ANO4: variants seen among roughly 807,000 people sequenced by gnomAD.
ANO4 encodes the protein anoctamin-4.
In ANO4, 69 loss-of-function variants were observed where a neutral mutation model predicts 141.9. The observed-to-expected ratio is 0.49, with a 90% CI of 0.40 to 0.59. The LOEUF (loss-of-function observed/expected upper bound fraction) is 0.59. Ranked by LOEUF, ANO4 falls within the 20% of genes least tolerant of loss-of-function variation. The probability of loss-of-function intolerance (pLI) is 0.00; values close to 1 mark genes in which losing one functional copy is unlikely to be tolerated. For missense variants in ANO4, 894 were observed against 1,162.2 expected (o/e 0.77, Z 3.36); for synonymous variants, 350 against 394.3 (o/e 0.89, Z 1.33).
At chr12:100,934,838 A>G (rs1205797361) in intron 3 of ANO4, among the ~76,000 whole-genome samples, 3 of 152,082 alleles carry the variant, frequency 2.0e-5, no homozygotes, top group Admixed American at 1.3e-4. Flanking sequence ...TAGGTATTTT[A>G]TTCTCTTTGT....
chr12:100,727,798 C>T (rs2031195410), intron 1 of ANO4, among the ~76,000 whole-genome samples: 1 of 151,870 alleles, frequency 6.6e-6, no homozygotes, highest in Admixed American at 6.6e-5. Context: ...TTCCTTCTCC[C>T]ACTGTTCCTC....
At chr12:101,068,167 T>C (rs1184532586) in intron 14 of ANO4, 3 of 1,028,122 alleles carry the variant, frequency 2.9e-6, no homozygotes, top group Non-Finnish European at 3.9e-6. Flanking sequence ...AGTTGACTTT[T>C]AAATAGCCCC....
intron 1 of ANO4, among the ~76,000 whole-genome samples, chr12:100,864,388 T>C (rs2038643257): frequency 6.6e-6 from 1 of 152,084 alleles, no homozygotes; most frequent in Admixed American, 6.6e-5. Flanking sequence ...GAGATAGATA[T>C]GGGATATTCA....
intron 1 of ANO4, among the ~76,000 whole-genome samples, chr12:100,832,990 A>G (rs1332997086): frequency 1.3e-5 from 2 of 152,174 alleles, no homozygotes; most frequent in Admixed American, 6.5e-5. Context: ...TTTCTAGCAG[A>G]CAGATTGCCT....
chr12:101,053,909 C>T (rs193115516), intron 14 of ANO4, among the ~76,000 whole-genome samples: 247 of 152,236 alleles, frequency 1.6e-3, no homozygotes, highest in Middle Eastern at 3.4e-3. Flanking sequence ...AGTTATAATC[C>T]GGGAAGGGAC....
chr12:100,777,919 ATTTTTT>A (rs373496240), intron 3 of ANO4, among the ~76,000 whole-genome samples: 1 of 134,904 alleles, frequency 7.4e-6, no homozygotes, highest in Non-Finnish European at 1.6e-5. Context: ...AATGCTTACA[ATTTTTT>A]TTTTTTTTTT....
chr12:101,110,217 T>C (rs2050610584), intron 22 of ANO4, among the ~76,000 whole-genome samples, 187 bp from the exon 23 acceptor site: 1 of 152,086 alleles, frequency 6.6e-6, no homozygotes, highest in Admixed American at 6.5e-5. Context: ...CAGGATTCCG[T>C]TGCTTCCAGG....
In ANO4 at chr12:101,103,908, A is replaced by G. The variant is rs189115837; in HGVS notation, c.2149+4188A>G. Among the ~76,000 whole-genome samples, 240 of 152,086 alleles carry G rather than the reference A, an allele frequency of 1.6e-3. 2 individuals carry two copies. The highest frequency in any genetic ancestry group is 2.5e-3 in the East Asian group (13 of 5,186). On this transcript the variant is annotated intron_variant, in intron 22 of 27. Transcript: ENST00000392977. ...TATAGATTTATTTTACTTAATAGATATAGGACTATTTCATTTTTTTGTTTC... is the reference window on the plus strand; with the variant it reads ...TATAGATTTATTTTACTTAATAGATGTAGGACTATTTCATTTTTTTGTTTC...
At chr12:100,790,810 A>G (rs540799245), upstream of ANO4, among the ~76,000 whole-genome samples, 1 of 152,314 alleles carries the variant, frequency 6.6e-6, no homozygotes, top group Admixed American at 6.5e-5. Context: ...GCAGATACCT[A>G]CTATTTGGAA....
chr12:100,984,816 A>G (rs371238855), intron 7 of ANO4, among the ~76,000 whole-genome samples: 2 of 150,928 alleles, frequency 1.3e-5, no homozygotes, highest in Admixed American at 1.3e-4. Context: ...ACCCTGTTCT[A>G]CTCTCTTTTC....
chr12:101,058,036 T>C (rs945846035), intron 14 of ANO4, among the ~76,000 whole-genome samples: 16 of 152,234 alleles, frequency 1.1e-4, no homozygotes, highest in African/African-American at 3.6e-4. Context: ...AATTAATTTT[T>C]GAATAAAGTG....
chr12:100,930,872 G>T (rs1039354776), intron 3 of ANO4, among the ~76,000 whole-genome samples: 2 of 152,082 alleles, frequency 1.3e-5, no homozygotes, highest in African/African-American at 4.8e-5. Flanking sequence ...ATAGGTAGGG[G>T]TAGAAGGTGA....
chr12:100,767,982 A>G (rs2033155766), intron 3 of ANO4, among the ~76,000 whole-genome samples: 1 of 151,798 alleles, frequency 6.6e-6, no homozygotes, highest in Non-Finnish European at 1.5e-5. Flanking sequence ...CTAGTGGAAC[A>G]TGGGGCTTCA....
intron 1 of ANO4, among the ~76,000 whole-genome samples, chr12:100,841,233 T>A (rs1006074814): frequency 3.9e-5 from 6 of 152,178 alleles, no homozygotes; most frequent in Non-Finnish European, 8.8e-5. Flanking sequence ...TTTAAAAAAA[T>A]GCTACCACCT....
intron 16 of ANO4, among the ~76,000 whole-genome samples, chr12:101,084,140 G>A (rs929420729): frequency 6.6e-6 from 1 of 152,148 alleles, no homozygotes. Context: ...TGTGAGACAG[G>A]ATGTACAGTA....
chr12:101,115,455 GA>G (rs766498530), intron 24 of ANO4, among the ~76,000 whole-genome samples: 1 of 148,858 alleles, frequency 6.7e-6, no homozygotes, highest in Non-Finnish European at 1.5e-5. Context: ...CCCTGTCTCA[GA>G]AAAAAAAAGA....
chr12:100,892,101 A>G (rs560333545), intron 1 of ANO4, among the ~76,000 whole-genome samples: 1 of 152,302 alleles, frequency 6.6e-6, no homozygotes, highest in Admixed American at 6.5e-5. Flanking sequence ...TTTAAGGTTG[A>G]ATAGAATGTC....
chr12:101,087,951 C>T (rs531784717), intron 17 of ANO4, among the ~76,000 whole-genome samples: 34 of 152,328 alleles, frequency 2.2e-4, no homozygotes, highest in African/African-American at 7.9e-4. Flanking sequence ...CCAGCTTTCA[C>T]ATTGCTCCCT....
At chr12:100,820,551 C>CT (rs2035994982) in intron 1 of ANO4, among the ~76,000 whole-genome samples, 2 of 152,012 alleles carry the variant, frequency 1.3e-5, no homozygotes. Flanking sequence ...AAGCTTATCT[C>CT]TAACTCCCCA....
Sources: allele counts gnomAD v4.1 joint callset (sites outside exome capture counted in the v4.1 genomes callset), GRCh38; gene constraint gnomAD v4.1.1; transcripts MANE v1.5; gene names NCBI Gene and HGNC (gene_info 2026-07-23, HGNC 2026-07-21).